Variants in WNK2 observed in about 807,000 individuals in gnomAD.
WNK2 encodes the protein serine/threonine-protein kinase WNK2.
A neutral mutation model predicts 192.1 loss-of-function variants in WNK2; 67 were observed. That is an observed-to-expected ratio of 0.35 (90% CI 0.29 to 0.43). WNK2 has a LOEUF of 0.43. Ranked by LOEUF, WNK2 falls within the 20% of genes least tolerant of loss-of-function variation. The pLI, the probability that WNK2 is intolerant of heterozygous loss-of-function variation, is 1.00. For synonymous variants in WNK2, 1,439 were observed against 1,393.9 expected (o/e 1.03, Z -0.72); for missense variants, 2,698 against 3,089.7 (o/e 0.87, Z 3.01).
rs1412492869 is a variant in WNK2 at position 93,263,711 on chromosome 9, C to T, written c.3556C>T (p.Arg1186Trp). 15 of 1,522,414 alleles carry T rather than the reference C, an allele frequency of 9.9e-6. No homozygotes were observed. The highest frequency in any genetic ancestry group is 1.4e-5 in the African/African-American group (1 of 71,420). 94.3% of individuals were successfully genotyped at this position (1,522,414 alleles called of 1,614,324 possible). A position where few individuals can be genotyped will look rare whatever the true frequency, so the allele number is the denominator to read the frequency against. Reference sequence around the variant, plus strand: ...GCGCTCCCGGCAGGAGAGGGCCAGCCGGCCCCGGCTTACCATCTTGAACGT... The same window carrying T: ...GCGCTCCCGGCAGGAGAGGGCCAGCTGGCCCCGGCTTACCATCTTGAACGT... The part of the protein sequence containing the change: ...RARSRQERAS[R>W]PRLTILNVCN... The change falls in exon 15 of 30, where the codon CGG (arginine) becomes TGG (tryptophan). Residue 1186 changes from arginine (R) to tryptophan (W), a missense_variant. Around this residue, in one of 7 missense-constraint regions of WNK2, gnomAD observed 893 missense variants for 909.0 expected, o/e 0.98. Transcript: ENST00000427277.
chr9:93,256,714 C>G (rs953918818), intron 10 of WNK2: 1 of 669,464 alleles, frequency 1.5e-6, no homozygotes, highest in African/African-American at 1.8e-5. Flanking sequence ...TCACTCAGAA[C>G]ATTTCTGCAA....
Position 93,256,332 on chromosome 9 carries a change from G to A in WNK2, c.2068G>A (p.Ala690Thr), listed in dbSNP as rs776341036. 3.9e-5 allele frequency: 61 copies of A among 1,582,394 alleles called. No homozygotes were observed. Among genetic ancestry groups the A allele is most frequent in the Admixed American group, 1.0e-4 (6 of 58,044 alleles). The stretch of plus-strand genomic sequence containing the variant: ...GCCGGTGGGCTCTGTCCCGGCCCCC[G>A]CCTGCCCTCCGTCCCTCCAGCAGCA... ...GLPVGSVPAP[A>T]CPPSLQQHFP... The change falls in exon 10 of 30, where the codon GCC becomes ACC. Residue 690 changes from alanine to threonine, a missense_variant. Coordinates refer to ENST00000427277, the MANE Select transcript of WNK2 (RefSeq NM_006648.4).
Position 93,185,409 on chromosome 9 carries a change from G to A in WNK2, c.480G>A (p.Glu160=), listed in dbSNP as rs375103896. The change falls in exon 2 of 30, where the codon GAG becomes GAA. Residue 160 remains glutamate (E), a synonymous_variant. Transcript: ENST00000427277. Reference sequence around the variant, plus strand: ...GGAAGGAGGATGAGGGGGCGGCCGAGGCGAAGCCTGAGCCCGGGCGCACTC... The same window carrying A: ...GGAAGGAGGATGAGGGGGCGGCCGAAGCGAAGCCTGAGCCCGGGCGCACTC... ...TVRKEDEGAA[E]AKPEPGRTRR... 75 of 1,607,958 alleles carry A rather than the reference G, an allele frequency of 4.7e-5. No homozygotes were observed. In the Middle Eastern group the frequency reaches 5.1e-4, roughly 11 times the overall value.
Position 93,289,503 on chromosome 9 carries a change from C to A in WNK2, c.4749C>A (p.Phe1583Leu). ...CTGTGGAGGTGGGCGACAGAGACTT[C>A]ACCCTGGAGCCCCTGAGAGGGGACC... is the stretch of plus-strand genomic sequence containing the variant. Reference protein sequence around the residue: ...GTPVEVGDRDFTLEPLRGDQP... With the variant: ...GTPVEVGDRDLTLEPLRGDQP... The change falls in exon 20 of 30, where the codon TTC becomes TTA. Residue 1583 changes from phenylalanine to leucine, a missense_variant. By Grantham distance (22) the Phe-to-Leu change is conservative (BLOSUM62 0). Transcript: ENST00000427277. 6.2e-7 allele frequency: 1 copy of A among 1,605,978 alleles called. No homozygotes were observed. Among genetic ancestry groups the A allele is most frequent in the Non-Finnish European group, 8.5e-7 (1 of 1,174,882 alleles).
intron 2 of WNK2, among the ~76,000 whole-genome samples, chr9:93,193,948 AC>A (rs1830788436): frequency 6.6e-6 from 1 of 152,198 alleles, no homozygotes; most frequent in Non-Finnish European, 1.5e-5. Flanking sequence ...CCGGAAATAG[AC>A]CCTCATGAAT....
At position 93,299,083 on chromosome 9, in the gene WNK2, C is replaced by G. The variant is rs374528407; in HGVS notation, c.5937C>G (p.Asp1979Glu). 1.9e-6 allele frequency: 3 copies of G among 1,610,492 alleles called. No individual in the cohort carries two copies. Among genetic ancestry groups the G allele is most frequent in the Non-Finnish European group, 2.5e-6 (3 of 1,179,448 alleles). ...VVASSTGHLADSSRGPPAKDP... is the reference protein window; with the variant it reads ...VVASSTGHLAESSRGPPAKDP... ...CCCCCCGCCCAGGTCACTTGGCTGA[C>G]TCCAGCAGAGGCCCTCCCGCTAAGG... The change falls in exon 25 of 30, where the codon GAC becomes GAG. Residue 1979 changes from aspartate to glutamate, a missense_variant. Asp to Glu is a conservative substitution (Grantham distance 45). Coordinates refer to ENST00000427277, the MANE Select transcript of WNK2 (RefSeq NM_006648.4).
At chr9:93,275,803 A>G (rs1201621555) in intron 19 of WNK2, among the ~76,000 whole-genome samples, 2 of 152,262 alleles carry the variant, frequency 1.3e-5, no homozygotes, top group African/African-American at 4.8e-5. Flanking sequence ...ATATTTGTAT[A>G]TACTGGCAGT....
chr9:93,208,545 G>T (rs368779954), intron 2 of WNK2, among the ~76,000 whole-genome samples: 4,882 of 151,702 alleles, frequency 0.032, 261 homozygotes, highest in African/African-American at 0.11. Context: ...GTGTGCATGT[G>T]CTGTGTGCAC....
chr9:93,188,012 A>G (rs939855928), intron 2 of WNK2, among the ~76,000 whole-genome samples: 2 of 152,124 alleles, frequency 1.3e-5, no homozygotes, highest in Non-Finnish European at 2.9e-5. Flanking sequence ...CTTAGTCCAC[A>G]GTGTGGAGAT....
At chr9:93,223,469 A>C (rs982383494) in intron 2 of WNK2, among the ~76,000 whole-genome samples, 1 of 152,190 alleles carries the variant, frequency 6.6e-6, no homozygotes, top group African/African-American at 2.4e-5. Context: ...AATTTTTGGC[A>C]CAGTGTGTAG....
chr9:93,289,948 GCTCTT>G (rs781684635), intron 20 of WNK2, 25 bp from the exon 21 acceptor site: 7 of 1,548,230 alleles, frequency 4.5e-6, no homozygotes, highest in Non-Finnish European at 5.2e-6. Flanking sequence ...GAGTCTCACG[GCTCTT>G]CTCTTTTTGT....
At chr9:93,244,939 G>C (rs913422127) in intron 7 of WNK2, among the ~76,000 whole-genome samples, 5 of 152,166 alleles carry the variant, frequency 3.3e-5, no homozygotes, top group African/African-American at 9.7e-5. Flanking sequence ...CCTTGGGGCT[G>C]GTTTGGGGCC....
At chr9:93,208,616 C>G (rs1226708828) in intron 2 of WNK2, among the ~76,000 whole-genome samples, 1 of 89,400 alleles carries the variant, frequency 1.1e-5, no homozygotes, top group Non-Finnish European at 2.5e-5. Context: ...GTGTGTTCTG[C>G]ACATGTACGT....
rs1466513014 is a variant in WNK2 at position 93,308,553 on chromosome 9, C to A, written c.6485C>A (p.Ala2162Glu). 6.3e-7 allele frequency: 1 copy of A among 1,592,768 alleles called. No homozygotes were observed. The highest frequency in any genetic ancestry group is 1.1e-5 in the South Asian group (1 of 88,488). ...TQKLQDMEAQ[A>E]GWAAPGEARA... The stretch of plus-strand genomic sequence containing the variant: ...AAGCTGCAAGACATGGAGGCCCAGG[C>A]AGGCTGGGCTGCCCCTGGCGAGGCG... Residue 2162 changes from alanine (A) to glutamate (E), a missense_variant, in exon 28 of 30, where the codon GCA becomes GAA. Physicochemically the swap from Ala to Glu is moderately radical, Grantham distance 107. Coordinates refer to ENST00000427277, the MANE Select transcript of WNK2 (RefSeq NM_006648.4).
rs746031034 is a variant in WNK2 at position 93,268,052 on chromosome 9, G to C, written c.3900G>C (p.Val1300=). The part of the protein sequence containing the change: ...ESRQSQANAP[V]YQQNVLHTGK... ...GACAATCCCAAGCCAACGCCCCCGT[G>C]TATCAGCAGAACGGTGAGTCTGCAA... The change falls in exon 18 of 30, where the codon GTG becomes GTC. Residue 1300 remains valine, a synonymous_variant. Coordinates refer to ENST00000427277, the MANE Select transcript of WNK2 (RefSeq NM_006648.4). The C allele has an allele frequency of 6.2e-7, 1 of 1,611,596 alleles. No individual in the cohort carries two copies. The highest frequency in any genetic ancestry group is 1.3e-5 in the African/African-American group (1 of 74,858).
At chr9:93,305,920 C>T (rs1386551570) in intron 26 of WNK2, among the ~76,000 whole-genome samples, 1 of 152,190 alleles carries the variant, frequency 6.6e-6, no homozygotes, top group Non-Finnish European at 1.5e-5. Context: ...TGTGCTTGCC[C>T]GTCCCAGCTC....
chr9:93,275,091 A>G (rs1846621401), intron 19 of WNK2, among the ~76,000 whole-genome samples: 1 of 146,146 alleles, frequency 6.8e-6, no homozygotes, highest in Admixed American at 6.9e-5. Flanking sequence ...GAAAGTGGGT[A>G]TATGCTGGGA....
intron 19 of WNK2, among the ~76,000 whole-genome samples, chr9:93,279,680 A>G (rs1340400742): frequency 6.6e-6 from 1 of 152,240 alleles, no homozygotes; most frequent in Non-Finnish European, 1.5e-5. Flanking sequence ...TACAGTAATC[A>G]AGACAATGTG....
chr9:93,217,475 T>G (rs1364696550), intron 2 of WNK2, among the ~76,000 whole-genome samples: 1 of 152,198 alleles, frequency 6.6e-6, no homozygotes, highest in African/African-American at 2.4e-5. Flanking sequence ...TGCTGAGGTT[T>G]ATTTCAGGTA....
Sources: allele counts gnomAD v4.1 joint callset (sites outside exome capture counted in the v4.1 genomes callset), GRCh38; gene constraint gnomAD v4.1.1; regional missense constraint gnomAD v4.1.1; transcripts MANE v1.5; gene names NCBI Gene and HGNC (gene_info 2026-07-23, HGNC 2026-07-21).